Variants in CHST8 observed in about 807,000 individuals in gnomAD.
CHST8 encodes carbohydrate sulfotransferase 8.
A neutral mutation model predicts 15.0 loss-of-function variants in CHST8; 10 were observed. The observed-to-expected ratio is 0.67, with a 90% CI of 0.41 to 1.13. CHST8 has a LOEUF of 1.13. Among genes scored for constraint, CHST8 ranks in the 50% most tolerant of loss-of-function variants. The probability of loss-of-function intolerance (pLI) is 0.00; values close to 1 mark genes in which losing one functional copy is unlikely to be tolerated. For synonymous variants in CHST8, 259 were observed against 256.6 expected, an observed-to-expected ratio of 1.01 and a Z score of -0.09; for missense variants, 634 against 608.2, an observed-to-expected ratio of 1.04 and a Z score of -0.45.
chr19:33,758,103 T>G (rs1424527414), intron 3 of CHST8, among the ~76,000 whole-genome samples: 5 of 129,230 alleles, frequency 3.9e-5, no homozygotes, highest in African/African-American at 1.5e-4. Context: ...ACCTGTGAAT[T>G]GCCAGAGTCT....
intron 3 of CHST8, among the ~76,000 whole-genome samples, chr19:33,718,942 A>T (rs1465790054): frequency 6.6e-6 from 1 of 152,024 alleles, no homozygotes; most frequent in Non-Finnish European, 1.5e-5. Flanking sequence ...AGAGGGAAGG[A>T]GGCCTCCAGG....
At chr19:33,642,402 G>A (rs966981646) in intron 1 of CHST8, among the ~76,000 whole-genome samples, 15 of 151,684 alleles carry the variant, frequency 9.9e-5, no homozygotes, top group African/African-American at 2.4e-4. Flanking sequence ...GGTCTCTGTC[G>A]CCCAGGCTGG....
At chr19:33,747,755 A>G (rs1974341735) in intron 3 of CHST8, among the ~76,000 whole-genome samples, 1 of 152,146 alleles carries the variant, frequency 6.6e-6, no homozygotes, top group Non-Finnish European at 1.5e-5. Context: ...TCGTCTTTAT[A>G]GTGTTATATA....
intron 1 of CHST8, among the ~76,000 whole-genome samples, chr19:33,629,840 C>T (rs1600224189): frequency 6.6e-6 from 1 of 152,254 alleles, no homozygotes; most frequent in Admixed American, 6.5e-5. Flanking sequence ...AGGGCTGATT[C>T]CTTGCCCAGA....
At chr19:33,622,913 C>A (rs1972004008) in intron 1 of CHST8, among the ~76,000 whole-genome samples, 1 of 152,062 alleles carries the variant, frequency 6.6e-6, no homozygotes, top group Non-Finnish European at 1.5e-5. Flanking sequence ...GTCGGGAGTG[C>A]GGGAGTCGGA....
intron 3 of CHST8, among the ~76,000 whole-genome samples, chr19:33,724,639 C>T (rs1193265650): frequency 6.6e-6 from 1 of 152,190 alleles, no homozygotes; most frequent in Non-Finnish European, 1.5e-5. Context: ...CCTGGAGGGG[C>T]ACAAAGACCA....
intron 1 of CHST8, among the ~76,000 whole-genome samples, chr19:33,658,532 T>C (rs1972542263): frequency 2.0e-5 from 3 of 152,234 alleles, no homozygotes; most frequent in Admixed American, 2.0e-4. Flanking sequence ...TTTGCCCTCA[T>C]TCCTGAATAA....
At chr19:33,736,068 G>A (rs540205619) in intron 3 of CHST8, among the ~76,000 whole-genome samples, 1 of 152,190 alleles carries the variant, frequency 6.6e-6, no homozygotes, top group Non-Finnish European at 1.5e-5. Flanking sequence ...ATGGGGCCGG[G>A]ATCCCAGGCC....
chr19:33,691,234 C>T (rs925510659), intron 3 of CHST8, among the ~76,000 whole-genome samples: 7 of 152,276 alleles, frequency 4.6e-5, no homozygotes, highest in South Asian at 2.1e-4. Context: ...CTGGGAAGAT[C>T]GGATCCTCAG....
chr19:33,701,381 T>C (rs1973333804), intron 3 of CHST8, among the ~76,000 whole-genome samples: 1 of 152,142 alleles, frequency 6.6e-6, no homozygotes, highest in African/African-American at 2.4e-5. Flanking sequence ...TGAAAAATAA[T>C]GAGCATGTAG....
At chr19:33,655,132 G>A (rs1972494086) in intron 1 of CHST8, among the ~76,000 whole-genome samples, 1 of 152,148 alleles carries the variant, frequency 6.6e-6, no homozygotes, top group African/African-American at 2.4e-5. Context: ...CGCCTCCCGG[G>A]TACAAGCAAT....
At chr19:33,703,618 C>T (rs1973387585) in intron 3 of CHST8, among the ~76,000 whole-genome samples, 1 of 152,340 alleles carries the variant, frequency 6.6e-6, no homozygotes, top group East Asian at 1.9e-4. Context: ...GGGGTTATCC[C>T]GCTCTTGCAT....
intron 1 of CHST8, among the ~76,000 whole-genome samples, chr19:33,661,727 G>A (rs1437854096): frequency 6.6e-6 from 1 of 152,164 alleles, no homozygotes; most frequent in Non-Finnish European, 1.5e-5. Context: ...AGCTCAAGAG[G>A]TCTTTTTAAA....
At position 33,688,858 on chromosome 19, in the gene CHST8, G is replaced by T. The variant is rs115366731; in HGVS notation, c.-86-318G>T. ...TTTGGAGGCCTGGACAGTGCAGGGG[G>T]TGGCTGCTGGTTACTGACTGGGGGC... On this transcript the variant is annotated intron_variant, in intron 2 of 4. Transcript: ENST00000650847. 5.4e-3 allele frequency among the ~76,000 whole-genome samples: 818 copies of T among 152,272 alleles called. 6 individuals are homozygous for T. Among genetic ancestry groups the T allele is most frequent in the African/African-American group, 0.018 (736 of 41,558 alleles).
intron 3 of CHST8, among the ~76,000 whole-genome samples, chr19:33,757,280 C>A (rs1451478279): frequency 1.3e-5 from 2 of 151,086 alleles, no homozygotes; most frequent in Non-Finnish European, 2.9e-5. Context: ...ACTCTGGAGG[C>A]TGAGGCATGA....
intron 3 of CHST8, among the ~76,000 whole-genome samples, chr19:33,761,231 G>C (rs188846150): frequency 6.6e-6 from 1 of 152,194 alleles, no homozygotes; most frequent in Admixed American, 6.5e-5. Flanking sequence ...AGCCAGGCAC[G>C]GTGGCTTATG....
rs373322550 is a variant in CHST8, at chr19:33,771,459, T to G, written c.168+9T>G. On this transcript the variant is annotated intron_variant, in intron 4 of 4. Transcript: ENST00000650847. ...CAAGGCAGCCCCACCACGTAAGTTCTGAGAGTCAGATAAATCTCAGTGCAC... is the reference window on the plus strand; with the variant it reads ...CAAGGCAGCCCCACCACGTAAGTTCGGAGAGTCAGATAAATCTCAGTGCAC... 1.2e-6 allele frequency: 2 copies of G among 1,613,966 alleles called. No homozygotes were observed. Among genetic ancestry groups the G allele is most frequent in the Non-Finnish European group, 1.7e-6 (2 of 1,179,856 alleles).
intron 1 of CHST8, among the ~76,000 whole-genome samples, chr19:33,665,786 C>T (rs1271020280): frequency 1.3e-5 from 2 of 152,176 alleles, no homozygotes; most frequent in African/African-American, 2.4e-5. Flanking sequence ...AGGGGATGGG[C>T]AGGCCTTCCT....
chr19:33,661,914 T>TA (rs1972591594), intron 1 of CHST8, among the ~76,000 whole-genome samples: 1 of 150,142 alleles, frequency 6.7e-6, no homozygotes, highest in Admixed American at 6.6e-5. Context: ...TGTGTGCCTG[T>TA]AGTCCTAGTT....
Sources: allele counts gnomAD v4.1 joint callset (sites outside exome capture counted in the v4.1 genomes callset), GRCh38; gene constraint gnomAD v4.1.1; transcripts MANE v1.5; gene names NCBI Gene and HGNC (gene_info 2026-07-23, HGNC 2026-07-21).